Variants in GATA3 observed in about 807,000 individuals in gnomAD.
GATA3 encodes the protein trans-acting T-cell-specific transcription factor GATA-3.
In GATA3, 6 loss-of-function variants were observed where a neutral mutation model predicts 36.0. The ratio of observed to expected loss-of-function variants is 0.17; its 90% CI spans 0.09 to 0.33. The LOEUF (loss-of-function observed/expected upper bound fraction) is 0.33, where lower values mean the gene tolerates loss of function less well. Among genes scored for constraint, GATA3 ranks in the 10% least tolerant of loss-of-function variants. The pLI, the probability that GATA3 is intolerant of heterozygous loss-of-function variation, is 1.00. For synonymous variants in GATA3, 326 were observed against 273.0 expected (o/e 1.19, Z -1.92); for missense variants, 514 against 610.1 (o/e 0.84, Z 1.66).
rs138698611 is a variant in GATA3, at chr10:8,064,063, C to T, written c.849C>T (p.Tyr283=). The T allele has an allele frequency of 2.7e-5, 43 of 1,614,074 alleles. No individual in the cohort carries two copies. Among genetic ancestry groups the T allele is most frequent in the Non-Finnish European group, 3.5e-5 (41 of 1,180,038 alleles). The part of the protein sequence containing the change: ...PLWRRDGTGH[Y]LCNACGLYHK... ...GGCGGCGAGATGGCACGGGACACTA[C>T]CTGTGCAACGCCTGCGGGCTCTATC... Residue 283 remains tyrosine (Y), a synonymous_variant, in exon 4 of 6, where the codon TAC becomes TAT. Coordinates refer to ENST00000379328, the MANE Select transcript of GATA3 (RefSeq NM_001002295.2).
Position 8,069,370 on chromosome 10 carries a change from A to ATTTC in GATA3, c.925-100_925-97dup, listed in dbSNP as rs924924039. The ATTTC allele has an allele frequency of 1.9e-5, 23 of 1,200,628 alleles. No homozygotes were observed. In the Admixed American group the frequency reaches 2.5e-4, roughly 13 times the overall value. 74.4% of individuals were successfully genotyped at this position (1,200,628 alleles called of 1,614,324 possible). A position where few individuals can be genotyped will look rare whatever the true frequency, so the allele number is the denominator to read the frequency against. ...CTTGCTAGTTTTGATTTCAATGATA[A>ATTTC]TTTCTTCCTTCCTTTTTTTTTTTTT... On this transcript the variant is annotated intron_variant, in intron 4 of 5. Transcript: ENST00000379328.
chr10:8,053,435 G>A (rs905634757), upstream of GATA3: 1 of 152,244 alleles, frequency 6.6e-6, no homozygotes, highest in Admixed American at 6.5e-5. The surrounding 1 kb of genome is among the most constrained non-coding windows in gnomAD (Gnocchi z 5.1). Context: ...GCATTTTCGG[G>A]CCAGCGGCTG....
chr10:8,051,792 G>A (rs1324786066), upstream of GATA3, among the ~76,000 whole-genome samples: 1 of 139,964 alleles, frequency 7.1e-6, no homozygotes, highest in Non-Finnish European at 1.5e-5. Context: ...GAGGAAGCCC[G>A]GCCTGCTCTT....
intron 3 of GATA3, among the ~76,000 whole-genome samples, chr10:8,060,545 T>TA (rs397688817): frequency 6.6e-6 from 1 of 151,052 alleles, no homozygotes; most frequent in African/African-American, 2.4e-5. Context: ...CTTTTTTTTT[T>TA]AAAGTTCTCT....
rs575311375 is a variant in GATA3 at position 8,074,759 on chromosome 10, T to C, written c.*736T>C. The C allele has an allele frequency of 1.3e-5, 3 of 233,762 alleles. No individual in the cohort carries two copies. The highest frequency in any genetic ancestry group is 2.5e-5 in the Non-Finnish European group (3 of 118,066). The allele number at this position is 233,762 out of a possible 1,614,324, so 14.5% of individuals were successfully genotyped here. ...AAAGATGTAGATTTATTTCATCATA[T>C]TATACAGACCGAACTGTTGTATAAA... On this transcript the variant is annotated 3_prime_UTR_variant, in exon 6 of 6. Coordinates refer to ENST00000379328, the MANE Select transcript of GATA3 (RefSeq NM_001002295.2).
At chr10:8,054,643 T>C (rs1832586946), upstream of GATA3, 1 of 151,772 alleles carries the variant, frequency 6.6e-6, no homozygotes, top group African/African-American at 2.4e-5. This position sits in a 1 kb window ranked among gnomAD's most constrained non-coding sequence, Gnocchi z 4.2. Flanking sequence ...CCGGCGCGGA[T>C]GACACTAGAA....
In GATA3 at chr10:8,055,787, G is replaced by T. The variant is rs769859105; in HGVS notation, c.132G>T (p.Pro44=). 1.6e-5 allele frequency: 26 copies of T among 1,592,572 alleles called. No individual in the cohort carries two copies. Among genetic ancestry groups the T allele is most frequent in the Non-Finnish European group, 2.1e-5 (24 of 1,169,778 alleles). The change falls in exon 2 of 6, where the codon CCG becomes CCT. Residue 44 remains proline, a synonymous_variant. Transcript: ENST00000379328. The surrounding 1 kb of genome is among the most constrained non-coding windows in gnomAD (Gnocchi z 5.4). ...SYMDAAQYPL[P]EEVDVLFNID... Reference sequence around the variant, plus strand: ...TGGACGCGGCGCAGTACCCGCTGCCGGAGGAGGTGGATGTGCTTTTTAACA... The same window carrying T: ...TGGACGCGGCGCAGTACCCGCTGCCTGAGGAGGTGGATGTGCTTTTTAACA...
intron 4 of GATA3, among the ~76,000 whole-genome samples, chr10:8,064,529 A>C (rs1832804575): frequency 6.6e-6 from 1 of 152,158 alleles, no homozygotes; most frequent in South Asian, 2.1e-4. Flanking sequence ...AGAGACATTT[A>C]GTATGAGGAC....
intron 1 of GATA3, among the ~76,000 whole-genome samples, chr10:8,046,629 G>GT (rs1264431636): frequency 3.3e-5 from 5 of 149,608 alleles, no homozygotes; most frequent in African/African-American, 9.8e-5. Context: ...TGAGATGCTT[G>GT]GGGGCCCAAA....
intron 3 of GATA3, among the ~76,000 whole-genome samples, chr10:8,063,297 G>A (rs919445954): frequency 3.9e-5 from 6 of 152,038 alleles, no homozygotes; most frequent in Admixed American, 3.9e-4. Context: ...CCTGGCTGGG[G>A]TCATACTTTA....
rs757013522 is a variant in GATA3 at position 8,074,026 on chromosome 10, C to A, written c.*3C>A. The A allele has an allele frequency of 6.2e-7, 1 of 1,613,892 alleles. No individual in the cohort carries two copies. Among genetic ancestry groups the A allele is most frequent in the South Asian group, 1.1e-5 (1 of 91,076 alleles). ...GCATGGTCACCGCCATGGGTTAGAG[C>A]CCTGCTCGATGCTCACAGGGCCCCC... is the stretch of plus-strand genomic sequence containing the variant. On this transcript the variant is annotated 3_prime_UTR_variant, in exon 6 of 6. Transcript: ENST00000379328.
chr10:8,068,717 C>T (rs142260031), intron 4 of GATA3, among the ~76,000 whole-genome samples: 39 of 152,314 alleles, frequency 2.6e-4, no homozygotes, highest in Admixed American at 2.1e-3. Context: ...CGCACCACTG[C>T]ACTCCAGCCT....
chr10:8,063,874 A>G, intron 3 of GATA3, 119 bp from the exon 4 acceptor site: 3 of 1,396,542 alleles, frequency 2.1e-6, no homozygotes, highest in Middle Eastern at 2.2e-4. Context: ...ACGCTCCCCA[A>G]AAGAGGAGGG....
At chr10:8,061,687 C>CAGAA (rs749472154) in intron 3 of GATA3, among the ~76,000 whole-genome samples, 11 of 152,236 alleles carry the variant, frequency 7.2e-5, no homozygotes, top group Non-Finnish European at 1.6e-4. Context: ...CCCTAGTGTG[C>CAGAA]AGAACCTTGT....
upstream of GATA3, among the ~76,000 whole-genome samples, chr10:8,048,863 C>T (rs1414444136): frequency 1.3e-5 from 2 of 151,198 alleles, no homozygotes; most frequent in Non-Finnish European, 2.9e-5. Flanking sequence ...TATCTCGCTA[C>T]AATCAGGGGT....
chr10:8,057,205 C>G (rs771084654), intron 2 of GATA3, among the ~76,000 whole-genome samples: 9 of 152,220 alleles, frequency 5.9e-5, no homozygotes, highest in Non-Finnish European at 1.2e-4. Flanking sequence ...CTCCCCTCCC[C>G]TTCCTCTCCC....
At position 8,055,595 on chromosome 10, in the gene GATA3, G is replaced by T. The variant is rs1321753490; in HGVS notation, c.-61G>T. 5 of 1,526,840 alleles carry T rather than the reference G, an allele frequency of 3.3e-6. No individual in the cohort carries two copies. The African/African-American group carries it at 4.2e-5, about 13-fold the overall frequency. The allele number at this position is 1,526,840 out of a possible 1,614,324, so 94.6% of individuals were successfully genotyped here. On this transcript the variant is annotated 5_prime_UTR_variant, in exon 2 of 6. Coordinates refer to ENST00000379328, the MANE Select transcript of GATA3 (RefSeq NM_001002295.2). The surrounding 1 kb of genome is among the most constrained non-coding windows in gnomAD (Gnocchi z 5.4). ...AGCCCCCCGACCTCCCAGGCGGACC[G>T]CCCTCCCTCCCCGCGCGCGGGTTCC... is the stretch of plus-strand genomic sequence containing the variant.
Position 8,069,887 on chromosome 10 carries a change from GA to G in GATA3, c.1050+301del, listed in dbSNP as rs5783010. On this transcript the variant is annotated intron_variant, in intron 5 of 5. Coordinates refer to ENST00000379328, the MANE Select transcript of GATA3 (RefSeq NM_001002295.2). The stretch of plus-strand genomic sequence containing the variant: ...TGAGTGGGCCTGTGTGGTTTATAAG[GA>G]AAAAAAAAAAATCTTCCTTTTGGAA... 0.27 allele frequency among the ~76,000 whole-genome samples: 39,112 copies of G among 146,682 alleles called. 5,398 individuals are homozygous for G. The highest frequency in any genetic ancestry group is 0.37 in the African/African-American group (15,165 of 40,484).
At chr10:8,048,925 C>G (rs4511191), upstream of GATA3, among the ~76,000 whole-genome samples, 5 of 145,468 alleles carry the variant, frequency 3.4e-5, no homozygotes, top group Admixed American at 7.0e-5. Flanking sequence ...CAGGATCCCT[C>G]GAAGTGGAGG....
Sources: allele counts gnomAD v4.1 joint callset (sites outside exome capture counted in the v4.1 genomes callset), GRCh38; gene constraint gnomAD v4.1.1; non-coding constraint Gnocchi (gnomAD v3.1); transcripts MANE v1.5; gene names NCBI Gene and HGNC (gene_info 2026-07-23, HGNC 2026-07-21).